Variants in ZNF131 observed in about 807,000 individuals in gnomAD.
The protein encoded by ZNF131 is zinc finger protein 131.
ZNF131 carries 7 observed loss-of-function variants against 60.0 expected under a neutral mutation model. The ratio of observed to expected loss-of-function variants is 0.12; its 90% CI spans 0.07 to 0.22. ZNF131 has a LOEUF of 0.22. ZNF131 is among the 10% of genes least tolerant of loss of function. The pLI is 1.00. For missense variants in ZNF131, 493 were observed against 740.9 expected (o/e 0.67, Z 3.88); for synonymous variants, 257 against 253.2 (o/e 1.01, Z -0.14).
At chr5:43,165,340 A>C (rs1392177667) in intron 5 of ZNF131, among the ~76,000 whole-genome samples, 1 of 151,146 alleles carries the variant, frequency 6.6e-6, no homozygotes, top group Admixed American at 6.6e-5. Flanking sequence ...CTGTGTCCTT[A>C]CATGGTTTTA....
chr5:43,124,328 T>C (rs533050664), intron 3 of ZNF131: 1 of 152,342 alleles, frequency 6.6e-6, no homozygotes, highest in Admixed American at 6.5e-5. Flanking sequence ...TACAGAATTT[T>C]AGCTTCTTTT....
chr5:43,135,333 G>A (rs1425751995), intron 3 of ZNF131, among the ~76,000 whole-genome samples: 1 of 124,272 alleles, frequency 8.0e-6, no homozygotes, highest in East Asian at 2.9e-4. Context: ...GAACTATCTG[G>A]AAAGGAAATT....
chr5:43,161,147 T>G (rs1274556515), intron 4 of ZNF131, 102 bp from the exon 5 acceptor site: 1 of 1,075,118 alleles, frequency 9.3e-7, no homozygotes, highest in Non-Finnish European at 1.3e-6. Flanking sequence ...TCTTGTTTTA[T>G]AACTGTTTAT....
At chr5:43,173,134 A>G in intron 5 of ZNF131, 184 bp from the exon 6 acceptor site, 1 of 524,270 alleles carries the variant, frequency 1.9e-6, no homozygotes, top group South Asian at 4.3e-5. Context: ...ATTAAATTTT[A>G]TTATTTTTGC....
intron 4 of ZNF131, among the ~76,000 whole-genome samples, chr5:43,141,506 A>T (rs962177425): frequency 3.3e-5 from 5 of 152,120 alleles, no homozygotes; most frequent in African/African-American, 1.2e-4. Context: ...AGTGGCTGAT[A>T]CTTGTAATCC....
rs151275934 is a variant in ZNF131 at position 43,150,473 on chromosome 5, C to T, written c.372-10776C>T. ...CCCATAAGTACAGCACTTCTTTAGC[C>T]GCTCTGATTAATCTGACCGTAGGGA... On this transcript the variant is annotated intron_variant, in intron 4 of 6. Coordinates refer to ENST00000682664, the MANE Select transcript of ZNF131 (RefSeq NM_001330707.2). Among the ~76,000 whole-genome samples the T allele has an allele frequency of 1.3e-4, 20 of 152,218 alleles. No homozygotes were observed. In the East Asian group the frequency reaches 2.7e-3, roughly 21 times the overall value.
At chr5:43,132,838 G>A (rs916906356) in intron 3 of ZNF131, among the ~76,000 whole-genome samples, 1 of 152,118 alleles carries the variant, frequency 6.6e-6, no homozygotes, top group Admixed American at 6.6e-5. Flanking sequence ...CACAAATAGA[G>A]GATACTGCTT....
intron 4 of ZNF131, chr5:43,143,559 G>A: frequency 2.4e-6 from 1 of 409,200 alleles, no homozygotes; most frequent in South Asian, 3.7e-5. Flanking sequence ...GACTTTCCTG[G>A]ACTTCTGTAA....
intron 4 of ZNF131, among the ~76,000 whole-genome samples, chr5:43,142,355 T>C (rs887667604): frequency 7.2e-6 from 1 of 138,342 alleles, no homozygotes; most frequent in Non-Finnish European, 1.6e-5. Context: ...GACTGGAGAG[T>C]ACACTGGTGA....
At chr5:43,164,308 A>G (rs1018147935) in intron 5 of ZNF131, among the ~76,000 whole-genome samples, 3 of 152,178 alleles carry the variant, frequency 2.0e-5, no homozygotes, top group Non-Finnish European at 4.4e-5. Flanking sequence ...GGATTTTGCT[A>G]TACGAACCAA....
At chr5:43,173,527 T>C (rs1751244011) in intron 6 of ZNF131, 79 bp downstream of exon 6, 1 of 1,522,502 alleles carries the variant, frequency 6.6e-7, no homozygotes, top group Non-Finnish European at 8.9e-7. Flanking sequence ...GGAAACAGAG[T>C]CTCAAGCAAA....
intron 4 of ZNF131, among the ~76,000 whole-genome samples, chr5:43,149,361 A>AGT (rs1184822447): frequency 1.3e-5 from 2 of 152,170 alleles, no homozygotes; most frequent in African/African-American, 4.8e-5. Flanking sequence ...CACGTATATT[A>AGT]GTGTGTGTAT....
chr5:43,141,890 C>G (rs1429236955), intron 4 of ZNF131, among the ~76,000 whole-genome samples: 1 of 152,010 alleles, frequency 6.6e-6, no homozygotes, highest in East Asian at 1.9e-4. Flanking sequence ...CTGAAGAGTT[C>G]CCTTTGAAAA....
At position 43,175,405 on chromosome 5, in the gene ZNF131, G is replaced by C; in HGVS notation, c.*272G>C. ...ATATTCTTATTATATAGTTGGGTAC[G>C]AATGTATCTATTTTCATTGTGGTAA... On this transcript the variant is annotated 3_prime_UTR_variant, in exon 7 of 7. Coordinates refer to ENST00000682664, the MANE Select transcript of ZNF131 (RefSeq NM_001330707.2). 1 of 694,390 alleles carries C rather than the reference G, an allele frequency of 1.4e-6. No individual in the cohort carries two copies. The highest frequency in any genetic ancestry group is 2.6e-6 in the Non-Finnish European group (1 of 383,846). 43.0% of individuals were successfully genotyped at this position (694,390 alleles called of 1,614,324 possible). A position where few individuals can be genotyped will look rare whatever the true frequency, so the allele number is the denominator to read the frequency against.
intron 4 of ZNF131, among the ~76,000 whole-genome samples, chr5:43,150,750 T>C (rs1038487053): frequency 3.9e-5 from 6 of 152,118 alleles, no homozygotes; most frequent in Admixed American, 3.9e-4. Context: ...GCACTCTGGC[T>C]TGGGCAACAA....
At chr5:43,148,040 G>T (rs1327892712) in intron 4 of ZNF131, among the ~76,000 whole-genome samples, 2 of 134,394 alleles carry the variant, frequency 1.5e-5, no homozygotes, top group African/African-American at 5.2e-5. Context: ...AGCGACAAGA[G>T]TGCTTTTTTT....
At chr5:43,147,847 G>C (rs1226716978) in intron 4 of ZNF131, among the ~76,000 whole-genome samples, 1 of 151,686 alleles carries the variant, frequency 6.6e-6, no homozygotes, top group Non-Finnish European at 1.5e-5. Flanking sequence ...CTGAGGTCAC[G>C]AGTTTGAGAC....
intron 3 of ZNF131, chr5:43,123,528 TTGAA>T: frequency 2.7e-6 from 1 of 364,030 alleles, no homozygotes; most frequent in Non-Finnish European, 4.9e-6. Context: ...AAGTGCTTGG[TTGAA>T]TGATCTGCCA....
intron 3 of ZNF131, among the ~76,000 whole-genome samples, chr5:43,130,334 T>A (rs72748897): frequency 0.097 from 14,491 of 149,328 alleles, 838 homozygotes; most frequent in East Asian, 0.19. Flanking sequence ...AATCAAAAAG[T>A]TCTGGCATTG....
Sources: allele counts gnomAD v4.1 joint callset (sites outside exome capture counted in the v4.1 genomes callset), GRCh38; gene constraint gnomAD v4.1.1; transcripts MANE v1.5; gene names NCBI Gene and HGNC (gene_info 2026-07-23, HGNC 2026-07-21).